Variants in INTS4 observed in about 807,000 individuals in gnomAD.
INTS4 encodes integrator complex subunit 4.
Under a neutral mutation model 119.5 loss-of-function variants are expected in INTS4, and 70 were observed. That is an observed-to-expected ratio of 0.59 (90% CI 0.48 to 0.71). INTS4 has a LOEUF of 0.71. INTS4 is among the 30% of genes least tolerant of loss of function. INTS4 has a pLI of 0.00. For synonymous variants in INTS4, 316 were observed against 419.6 expected (o/e 0.75, Z 3.02); for missense variants, 867 against 1,173.2 (o/e 0.74, Z 3.81).
chr11:77,933,095 C>T (rs1181581569), intron 10 of INTS4, among the ~76,000 whole-genome samples: 3 of 152,058 alleles, frequency 2.0e-5, no homozygotes, highest in Admixed American at 6.5e-5. Context: ...TACCCCAGAA[C>T]TCAAAAGTAT....
At chr11:77,878,152 G>A (rs1311773209), downstream of INTS4, among the ~76,000 whole-genome samples, 1 of 152,096 alleles carries the variant, frequency 6.6e-6, no homozygotes, top group African/African-American at 2.4e-5. Context: ...CACGAGGTCA[G>A]GAGATCAAGA....
chr11:77,960,329 C>T lies in INTS4; in HGVS notation c.708+12G>A. 2 of 1,589,056 alleles carry T rather than the reference C, an allele frequency of 1.3e-6. No homozygotes were observed. The highest frequency in any genetic ancestry group is 1.7e-6 in the Non-Finnish European group (2 of 1,159,348). On this transcript the variant is annotated intron_variant, in intron 6 of 22. Coordinates refer to ENST00000534064, the MANE Select transcript of INTS4 (RefSeq NM_033547.4). ...CCTCCAACCCCTTCCAGACAGTAATCATATAAGGTACCTGATTATAAATTG... is the reference window on the plus strand; with the variant it reads ...CCTCCAACCCCTTCCAGACAGTAATTATATAAGGTACCTGATTATAAATTG...
intron 15 of INTS4, among the ~76,000 whole-genome samples, chr11:77,911,666 G>C (rs1051469475): frequency 6.6e-6 from 1 of 152,218 alleles, no homozygotes; most frequent in African/African-American, 2.4e-5. Context: ...CTGTGTCCCA[G>C]TGTTACCTCT....
At chr11:77,944,034 ACTGTATTCTAAATAGTCC>A (rs1347098550) in intron 8 of INTS4, among the ~76,000 whole-genome samples, 2 of 152,192 alleles carry the variant, frequency 1.3e-5, no homozygotes, top group Non-Finnish European at 2.9e-5. Flanking sequence ...AAAAGTAGTG[ACTGTATTCTAAATAGTCC>A]CATGAATCTC....
At chr11:77,988,040 T>TA (rs1331577181) in intron 2 of INTS4, among the ~76,000 whole-genome samples, 1 of 152,122 alleles carries the variant, frequency 6.6e-6, no homozygotes, top group Non-Finnish European at 1.5e-5. Context: ...TCTAGATAGA[T>TA]AGATACGATT....
At chr11:77,881,932 G>GT (rs1355476226) in intron 22 of INTS4, among the ~76,000 whole-genome samples, 1 of 150,700 alleles carries the variant, frequency 6.6e-6, no homozygotes, top group Non-Finnish European at 1.5e-5. Context: ...TTTCTTTTGA[G>GT]TCAGGGTCTT....
At chr11:77,965,412 TC>T (rs1267611676) in intron 4 of INTS4, among the ~76,000 whole-genome samples, 3 of 152,178 alleles carry the variant, frequency 2.0e-5, no homozygotes, top group African/African-American at 7.2e-5. Context: ...ATGTAATAGA[TC>T]TCAAAACCTA....
At chr11:77,981,114 T>G (rs1856194278) in intron 3 of INTS4, among the ~76,000 whole-genome samples, 1 of 150,888 alleles carries the variant, frequency 6.6e-6, no homozygotes, top group Non-Finnish European at 1.5e-5. Context: ...TTAACATGTT[T>G]GGACTTCTGG....
At chr11:77,926,859 GGAAAA>G (rs1953517904) in intron 11 of INTS4, among the ~76,000 whole-genome samples, 1 of 150,450 alleles carries the variant, frequency 6.6e-6, no homozygotes, top group South Asian at 2.1e-4. Flanking sequence ...GGAAAGGAAA[GGAAAA>G]GAAAAGAAAA....
chr11:77,915,390 A>G (rs1953183058), intron 15 of INTS4: 1 of 152,122 alleles, frequency 6.6e-6, no homozygotes, highest in Non-Finnish European at 1.5e-5. Flanking sequence ...TGTGGCTTCT[A>G]GAGGCTTCCC....
At chr11:77,896,682 A>C (rs2136419123) in intron 18 of INTS4, among the ~76,000 whole-genome samples, 1 of 151,844 alleles carries the variant, frequency 6.6e-6, no homozygotes, top group African/African-American at 2.4e-5. Context: ...ATTTACTCAG[A>C]ATACAGAATA....
intron 22 of INTS4, among the ~76,000 whole-genome samples, chr11:77,880,402 G>A (rs1951746766): frequency 6.6e-6 from 1 of 152,196 alleles, no homozygotes; most frequent in African/African-American, 2.4e-5. Context: ...ATTTCAGCAT[G>A]AGATCTAAGT....
chr11:77,876,524 C>T (rs776606985), downstream of INTS4, among the ~76,000 whole-genome samples: 4 of 152,082 alleles, frequency 2.6e-5, no homozygotes, highest in African/African-American at 4.8e-5. Flanking sequence ...AGCCCAACCC[C>T]GATACGATAC....
intron 7 of INTS4, among the ~76,000 whole-genome samples, chr11:77,957,325 G>A (rs1262174079): frequency 1.3e-5 from 2 of 152,004 alleles, no homozygotes; most frequent in Non-Finnish European, 2.9e-5. Flanking sequence ...GAGGCGGGCA[G>A]ATTACCTGAA....
At chr11:77,915,106 C>T (rs561731159) in intron 15 of INTS4, 2 of 176,620 alleles carry the variant, frequency 1.1e-5, no homozygotes, top group Admixed American at 1.1e-4. Flanking sequence ...GATGCTATCA[C>T]TGCAAAGCAG....
chr11:77,933,933 C>A (rs1001742836), intron 10 of INTS4, among the ~76,000 whole-genome samples: 1 of 151,744 alleles, frequency 6.6e-6, no homozygotes, highest in Non-Finnish European at 1.5e-5. Context: ...ATGACAATGG[C>A]GGTTTTGTGG....
At chr11:77,968,396 A>G (rs1182141898) in intron 4 of INTS4, among the ~76,000 whole-genome samples, 1 of 152,228 alleles carries the variant, frequency 6.6e-6, no homozygotes, top group Admixed American at 6.5e-5. Context: ...TAGGCACAAA[A>G]GGACAAATAT....
chr11:77,991,079 C>G, intron 2 of INTS4, 29 bp downstream of exon 2: 1 of 1,574,332 alleles, frequency 6.4e-7, no homozygotes, highest in Non-Finnish European at 8.7e-7. Flanking sequence ...CCATGATATA[C>G]TCCCATCAGA....
At chr11:77,956,710 AAATAATAAT>A (rs199933134) in intron 7 of INTS4, among the ~76,000 whole-genome samples, 2,351 of 97,666 alleles carry the variant, frequency 0.024, 116 homozygotes, top group African/African-American at 0.048. Context: ...CCATCTCAAA[AAATAATAAT>A]AATAATAATA....
Sources: allele counts gnomAD v4.1 joint callset (sites outside exome capture counted in the v4.1 genomes callset), GRCh38; gene constraint gnomAD v4.1.1; transcripts MANE v1.5; gene names NCBI Gene and HGNC (gene_info 2026-07-23, HGNC 2026-07-21).